PRRX1: variants seen among roughly 807,000 people sequenced by gnomAD.
PRRX1 encodes the protein paired mesoderm homeobox protein 1.
In PRRX1, 8 loss-of-function variants were observed where a neutral mutation model predicts 24.0. The ratio of observed to expected loss-of-function variants is 0.33; its 90% CI spans 0.20 to 0.60. The LOEUF (loss-of-function observed/expected upper bound fraction) is 0.60. Among genes scored for constraint, PRRX1 ranks in the 20% least tolerant of loss-of-function variants. The pLI is 0.82. For missense variants in PRRX1, 281 were observed against 322.4 expected (o/e 0.87, Z 0.98); for synonymous variants, 160 against 131.7 (o/e 1.22, Z -1.47).
chr1:170,727,143 A>T (rs1655283344), intron 3 of PRRX1: 1 of 152,114 alleles, frequency 6.6e-6, no homozygotes, highest in African/African-American at 2.4e-5. Context: ...TAAATAAAAA[A>T]GGAATGTATA....
intron 1 of PRRX1, among the ~76,000 whole-genome samples, chr1:170,672,644 A>G (rs1653179479): frequency 6.6e-6 from 1 of 152,238 alleles, no homozygotes; most frequent in Admixed American, 6.5e-5. Context: ...TATACAACTT[A>G]AAGGCCAAGG....
chr1:170,729,128 C>T (rs1390598269), intron 3 of PRRX1: 1 of 152,142 alleles, frequency 6.6e-6, no homozygotes, highest in Non-Finnish European at 1.5e-5. Context: ...GCTTGTGTTC[C>T]CTGTTTTCAT....
chr1:170,708,198 T>A (rs1375120460), intron 1 of PRRX1, among the ~76,000 whole-genome samples: 1 of 152,194 alleles, frequency 6.6e-6, no homozygotes. Context: ...CTCATAGATT[T>A]CCACTCCAGG....
At chr1:170,732,883 A>G (rs1228787008) in intron 3 of PRRX1, among the ~76,000 whole-genome samples, 1 of 152,196 alleles carries the variant, frequency 6.6e-6, no homozygotes, top group Non-Finnish European at 1.5e-5. Flanking sequence ...AGGGATACCT[A>G]TAAGGCATTG....
At chr1:170,681,702 C>T (rs1653513688) in intron 1 of PRRX1, among the ~76,000 whole-genome samples, 1 of 152,108 alleles carries the variant, frequency 6.6e-6, no homozygotes, top group South Asian at 2.1e-4. Flanking sequence ...TTGAACATGC[C>T]ACCCAGCCCT....
intron 1 of PRRX1, among the ~76,000 whole-genome samples, chr1:170,708,983 A>C (rs1024491979): frequency 6.6e-6 from 1 of 152,196 alleles, no homozygotes; most frequent in African/African-American, 2.4e-5. Context: ...CACCAAGCAG[A>C]GTCTAACATA....
chr1:170,728,463 A>G (rs1304667781), intron 3 of PRRX1: 1 of 152,218 alleles, frequency 6.6e-6, no homozygotes, highest in Non-Finnish European at 1.5e-5. Flanking sequence ...TCAATGTTTT[A>G]TATAGATGTA....
chr1:170,700,004 G>A (rs1027609462), intron 1 of PRRX1, among the ~76,000 whole-genome samples: 3 of 152,168 alleles, frequency 2.0e-5, no homozygotes, highest in Non-Finnish European at 4.4e-5. Flanking sequence ...TTACAAGTGT[G>A]AGCCACTGAG....
At chr1:170,728,819 G>A (rs1314783863) in intron 3 of PRRX1, 1 of 152,138 alleles carries the variant, frequency 6.6e-6, no homozygotes, top group Non-Finnish European at 1.5e-5. Flanking sequence ...ACCAAACTAT[G>A]TTATGATTTC....
intron 1 of PRRX1, among the ~76,000 whole-genome samples, chr1:170,684,685 G>A (rs563698366): frequency 2.6e-5 from 4 of 152,212 alleles, no homozygotes; most frequent in South Asian, 4.2e-4. Flanking sequence ...TCCAGGAGGC[G>A]GAGGTTGCAG....
intron 1 of PRRX1, among the ~76,000 whole-genome samples, chr1:170,675,192 C>T (rs1653276485): frequency 6.6e-6 from 1 of 152,186 alleles, no homozygotes; most frequent in Admixed American, 6.5e-5. Context: ...GCAGTAAAGT[C>T]CTTCAGAGTA....
At chr1:170,716,648 C>T (rs1654917548) in intron 1 of PRRX1, among the ~76,000 whole-genome samples, 1 of 152,088 alleles carries the variant, frequency 6.6e-6, no homozygotes, top group South Asian at 2.1e-4. Context: ...GAATCCTTCC[C>T]ATTTTAGAAT....
In PRRX1 at chr1:170,719,531, G is replaced by T. The variant is rs1241136153; in HGVS notation, c.242-195G>T. ...GAGGCAACAGCCAAGCATTAGAGTT[G>T]CTGGGATTCTTGACATATGAACTTG... is the stretch of plus-strand genomic sequence containing the variant. On this transcript the variant is annotated intron_variant, in intron 1 of 3. Coordinates refer to ENST00000239461, the MANE Select transcript of PRRX1 (RefSeq NM_022716.4). 3.3e-5 allele frequency among the ~76,000 whole-genome samples: 5 copies of T among 152,236 alleles called. No individual in the cohort carries two copies. The East Asian group carries it at 9.6e-4, about 29-fold the overall frequency.
At chr1:170,704,314 C>T (rs991340575) in intron 1 of PRRX1, among the ~76,000 whole-genome samples, 2 of 152,174 alleles carry the variant, frequency 1.3e-5, no homozygotes, top group African/African-American at 4.8e-5. Flanking sequence ...GTTGCTCTCT[C>T]ATGGAATTCT....
chr1:170,684,908 A>G (rs1653679325), intron 1 of PRRX1, among the ~76,000 whole-genome samples: 1 of 152,232 alleles, frequency 6.6e-6, no homozygotes, highest in Admixed American at 6.5e-5. Context: ...TTGGCAAAGG[A>G]TAAGTTATAA....
At chr1:170,709,460 G>A (rs781136194) in intron 1 of PRRX1, among the ~76,000 whole-genome samples, 6 of 152,188 alleles carry the variant, frequency 3.9e-5, no homozygotes, top group African/African-American at 1.2e-4. Context: ...AGGATGCTAA[G>A]CTTCAGGTAT....
At chr1:170,719,235 T>C (rs1655003968) in intron 1 of PRRX1, among the ~76,000 whole-genome samples, 1 of 152,242 alleles carries the variant, frequency 6.6e-6, no homozygotes, top group Non-Finnish European at 1.5e-5. Context: ...GGTTTGAACA[T>C]AGTTTCCTCT....
chr1:170,705,961 C>CAG (rs962819776), intron 1 of PRRX1, among the ~76,000 whole-genome samples: 2 of 149,668 alleles, frequency 1.3e-5, no homozygotes, highest in Non-Finnish European at 2.9e-5. Flanking sequence ...CACACACACA[C>CAG]ACACACAAAC....
At chr1:170,683,783 G>A (rs1159901964) in intron 1 of PRRX1, among the ~76,000 whole-genome samples, 1 of 152,226 alleles carries the variant, frequency 6.6e-6, no homozygotes, top group East Asian at 1.9e-4. Flanking sequence ...GTGAAGACTT[G>A]TGTAACTGAA....
Sources: gnomAD v4.1 joint callset for allele counts (sites outside exome capture counted in the v4.1 genomes callset) on GRCh38, gnomAD v4.1.1 for gene constraint, MANE v1.5 for transcripts, NCBI Gene and HGNC (gene_info 2026-07-23, HGNC 2026-07-21) for gene names.